PRKCB: variants seen among roughly 807,000 people sequenced by gnomAD.
The protein encoded by PRKCB is protein kinase C beta.
Under a neutral mutation model 81.5 loss-of-function variants are expected in PRKCB, and 13 were observed. The ratio of observed to expected loss-of-function variants is 0.16; its 90% CI spans 0.10 to 0.25. The LOEUF is 0.25. PRKCB is among the 10% of genes least tolerant of loss of function. The probability of loss-of-function intolerance (pLI) is 1.00; values close to 1 mark genes in which losing one functional copy is unlikely to be tolerated. For missense variants in PRKCB, 509 were observed against 875.7 expected (o/e 0.58, Z 5.29); for synonymous variants, 335 against 321.4 (o/e 1.04, Z -0.45).
chr16:24,039,176 T>G (rs920572971), intron 5 of PRKCB, among the ~76,000 whole-genome samples: 2 of 152,224 alleles, frequency 1.3e-5, no homozygotes, highest in African/African-American at 4.8e-5. Flanking sequence ...TACCTCGATC[T>G]TGGACTTCCC....
intron 15 of PRKCB, among the ~76,000 whole-genome samples, chr16:24,189,525 C>G (rs1967755710): frequency 6.6e-6 from 1 of 151,506 alleles, no homozygotes; most frequent in South Asian, 2.1e-4. Flanking sequence ...GCCTGTAATC[C>G]CAGCTACTCG....
intron 2 of PRKCB, among the ~76,000 whole-genome samples, chr16:23,926,726 A>G (rs1026516256): frequency 5.3e-5 from 8 of 151,472 alleles, no homozygotes; most frequent in African/African-American, 1.9e-4. Flanking sequence ...CCATTGATTG[A>G]TGCTTAAGTT....
intron 4 of PRKCB, among the ~76,000 whole-genome samples, chr16:24,034,298 C>T (rs1965585700): frequency 6.6e-6 from 1 of 152,176 alleles, no homozygotes; most frequent in Non-Finnish European, 1.5e-5. Context: ...CCTCCTGGGA[C>T]TTGGGTGGTC....
intron 3 of PRKCB, among the ~76,000 whole-genome samples, chr16:24,022,911 G>A (rs1965424676): frequency 6.6e-6 from 1 of 152,202 alleles, no homozygotes; most frequent in African/African-American, 2.4e-5. Context: ...TAGCTTCTGG[G>A]TTCCACACTG....
chr16:24,060,106 C>T (rs1018698358), intron 5 of PRKCB, among the ~76,000 whole-genome samples: 3 of 152,100 alleles, frequency 2.0e-5, no homozygotes, highest in African/African-American at 7.2e-5. Context: ...AAGCAAGGTG[C>T]CTGGGAATAG....
At chr16:24,088,085 G>A (rs1044605763) in intron 5 of PRKCB, among the ~76,000 whole-genome samples, 8 of 152,234 alleles carry the variant, frequency 5.3e-5, no homozygotes, top group Admixed American at 3.3e-4. Context: ...GTCTCGCCAA[G>A]TGTGGTCTAG....
At position 24,220,336 on chromosome 16, in the gene PRKCB, TTTCCAAAC is replaced by T. The variant is rs1968303763; in HGVS notation, c.*5526_*5533del. ...CATTATCCAATTATAGAGGTACAAT[TTTCCAAAC>T]TTCCAGAAACTCATCAAATGAACAG... On this transcript the variant is annotated 3_prime_UTR_variant, in exon 17 of 17. Coordinates refer to ENST00000643927, the MANE Select transcript of PRKCB (RefSeq NM_002738.7). 2.3e-6 allele frequency: 1 copy of T among 444,136 alleles called. No individual in the cohort carries two copies. The highest frequency in any genetic ancestry group is 4.1e-5 in the Admixed American group (1 of 24,258). 27.5% of individuals were successfully genotyped at this position (444,136 alleles called of 1,614,324 possible).
chr16:24,043,037 A>G (rs2141863590), intron 5 of PRKCB, among the ~76,000 whole-genome samples: 1 of 152,264 alleles, frequency 6.6e-6, no homozygotes, highest in East Asian at 1.9e-4. Flanking sequence ...GTGCCCGGTG[A>G]TGTCTTAAGT....
chr16:23,911,877 G>A (rs1369008186), intron 2 of PRKCB, among the ~76,000 whole-genome samples: 3 of 144,320 alleles, frequency 2.1e-5, no homozygotes, highest in African/African-American at 7.8e-5. Context: ...GTTTGCCCGG[G>A]CTGGAGTGCA....
At chr16:24,116,464 G>C (rs1163364486) in intron 8 of PRKCB, among the ~76,000 whole-genome samples, 1 of 152,056 alleles carries the variant, frequency 6.6e-6, no homozygotes, top group East Asian at 1.9e-4. Context: ...TCCTTGTCTT[G>C]AGCCTATGCC....
chr16:24,028,363 A>G (rs928378125), intron 3 of PRKCB, among the ~76,000 whole-genome samples: 9 of 152,386 alleles, frequency 5.9e-5, no homozygotes, highest in African/African-American at 1.7e-4. Flanking sequence ...TGCTGGGATT[A>G]CAGGCATGAG....
chr16:24,048,740 C>G (rs1038410851), intron 5 of PRKCB, among the ~76,000 whole-genome samples: 1 of 152,118 alleles, frequency 6.6e-6, no homozygotes, highest in Admixed American at 6.5e-5. Flanking sequence ...CCTCGGCCCC[C>G]CAAAGTGCTG....
intron 2 of PRKCB, among the ~76,000 whole-genome samples, chr16:23,987,678 C>T (rs1343794776): frequency 1.3e-5 from 2 of 152,096 alleles, no homozygotes; most frequent in Non-Finnish European, 1.5e-5. Context: ...ATTTACTAAG[C>T]ATGCACTTTA....
rs1425268841 is a variant in PRKCB, at chr16:24,215,173, G to T, written c.*357G>T. On this transcript the variant is annotated 3_prime_UTR_variant, in exon 17 of 17. Coordinates refer to ENST00000643927, the MANE Select transcript of PRKCB (RefSeq NM_002738.7). ...TTCACCCCCAACCATCCAATCTGTGGATAATTGGATGTTAGCGGTACTCTT... is the reference window on the plus strand; with the variant it reads ...TTCACCCCCAACCATCCAATCTGTGTATAATTGGATGTTAGCGGTACTCTT... 3.8e-6 allele frequency: 4 copies of T among 1,039,050 alleles called. No homozygotes were observed. The highest frequency in any genetic ancestry group is 4.6e-6 in the Non-Finnish European group (4 of 861,922). The allele number at this position is 1,039,050 out of a possible 1,614,324, so 64.4% of individuals were successfully genotyped here.
Position 24,215,658 on chromosome 16 carries a change from GA to G in PRKCB, c.*851del, listed in dbSNP as rs879154943. 2.6e-4 allele frequency: 256 copies of G among 973,904 alleles called. No homozygotes were observed. The highest frequency in any genetic ancestry group is 2.9e-4 in the Non-Finnish European group (236 of 820,430). The allele number at this position is 973,904 out of a possible 1,614,324, so 60.3% of individuals were successfully genotyped here. A position where few individuals can be genotyped will look rare whatever the true frequency, so the allele number is the denominator to read the frequency against. On this transcript the variant is annotated 3_prime_UTR_variant, in exon 17 of 17. Coordinates refer to ENST00000643927, the MANE Select transcript of PRKCB (RefSeq NM_002738.7). ...CAAATGCAAAAAAAAGAAAAAAAAA[GA>G]AAAAAAAAGGTGACTCACATTGTTA...
At chr16:24,028,905 C>T (rs1457037003) in intron 3 of PRKCB, among the ~76,000 whole-genome samples, 1 of 152,146 alleles carries the variant, frequency 6.6e-6, no homozygotes, top group Non-Finnish European at 1.5e-5. Flanking sequence ...ATTCTCGTGC[C>T]TCACCCTCCC....
At chr16:24,026,751 CAG>C in intron 3 of PRKCB, among the ~76,000 whole-genome samples, 1 of 152,294 alleles carries the variant, frequency 6.6e-6, no homozygotes, top group South Asian at 2.1e-4. Context: ...CCAAGGGTCT[CAG>C]GGCAATACTA....
chr16:24,138,933 A>C (rs1966876713), intron 9 of PRKCB, among the ~76,000 whole-genome samples: 2 of 145,612 alleles, frequency 1.4e-5, no homozygotes, highest in South Asian at 4.3e-4. Flanking sequence ...GCTCACTGCA[A>C]CCTCACCTCC....
chr16:24,183,107 G>A (rs890434794), intron 13 of PRKCB, among the ~76,000 whole-genome samples: 1 of 152,050 alleles, frequency 6.6e-6, no homozygotes, highest in Non-Finnish European at 1.5e-5. Context: ...TGATCCGCCC[G>A]CCTCGGCCTC....
Sources: allele counts gnomAD v4.1 joint callset (sites outside exome capture counted in the v4.1 genomes callset), GRCh38; gene constraint gnomAD v4.1.1; transcripts MANE v1.5; gene names NCBI Gene and HGNC (gene_info 2026-07-23, HGNC 2026-07-21).